HAUS1: variants seen among roughly 807,000 people sequenced by gnomAD.
HAUS1 encodes the protein HAUS augmin-like complex subunit 1.
HAUS1 carries 25 observed loss-of-function variants against 38.6 expected under a neutral mutation model. The ratio of observed to expected loss-of-function variants is 0.65; its 90% CI spans 0.47 to 0.91. The LOEUF (loss-of-function observed/expected upper bound fraction) is 0.91, where lower values mean the gene tolerates loss of function less well. Ranked by LOEUF, HAUS1 falls within the 40% of genes least tolerant of loss-of-function variation. HAUS1 has a pLI of 0.00. For synonymous variants in HAUS1, 109 were observed against 112.9 expected (o/e 0.97, Z 0.22); for missense variants, 325 against 328.4 (o/e 0.99, Z 0.08).
In HAUS1 at chr18:46,122,554, G is replaced by A. The variant is rs1210065885; in HGVS notation, c.564G>A (p.Lys188=). 1.9e-6 allele frequency: 3 copies of A among 1,614,164 alleles called. No homozygotes were observed. Reference sequence around the variant, plus strand: ...AGAACATGGACTTTCTAAAAGCAAAGTCAGAGGAATTCAGATTTGGAATCA... The same window carrying A: ...AGAACATGGACTTTCTAAAAGCAAAATCAGAGGAATTCAGATTTGGAATCA... The part of the protein sequence containing the change: ...RRQNMDFLKA[K]SEEFRFGIKA... Residue 188 remains lysine, a synonymous_variant, in exon 5 of 9, where the codon AAG becomes AAA. Coordinates refer to ENST00000282058, the MANE Select transcript of HAUS1 (RefSeq NM_138443.4).
chr18:46,104,490 T>G, intron 1 of HAUS1, 49 bp downstream of exon 1: 1 of 1,425,350 alleles, frequency 7.0e-7, no homozygotes, highest in African/African-American at 1.5e-5. Flanking sequence ...AACGCGTTTT[T>G]GACACCCCCG....
chr18:46,118,185 G>T lies in HAUS1; in HGVS notation c.210G>T (p.Lys70Asn). The part of the protein sequence containing the change: ...QKASEYESEA[K>N]YLQDLLMESV... ...GGAACTCTTTCATGTTTTTAGCCAA[G>T]TATCTTCAAGACCTTCTCATGGAGA... The change falls in exon 3 of 9, where the codon AAG becomes AAT. Residue 70 changes from lysine (K) to asparagine (N), a missense_variant. Coordinates refer to ENST00000282058, the MANE Select transcript of HAUS1 (RefSeq NM_138443.4). The T allele has an allele frequency of 6.2e-7, 1 of 1,611,490 alleles. No individual in the cohort carries two copies. Among genetic ancestry groups the T allele is most frequent in the Non-Finnish European group, 8.5e-7 (1 of 1,179,736 alleles).
At chr18:46,117,633 A>G (rs1054993074) in intron 2 of HAUS1, among the ~76,000 whole-genome samples, 2 of 152,114 alleles carry the variant, frequency 1.3e-5, no homozygotes, top group Non-Finnish European at 2.9e-5. Context: ...TGGGCAACCT[A>G]GCGAGATCTA....
In HAUS1 at chr18:46,125,740, A is replaced by G. The variant is rs776534757; in HGVS notation, c.739-4A>G. 2.6e-6 allele frequency: 4 copies of G among 1,544,518 alleles called. No homozygotes were observed. The highest frequency in any genetic ancestry group is 3.6e-6 in the Non-Finnish European group (4 of 1,123,608). On this transcript the variant is annotated splice_region_variant and splice_polypyrimidine_tract_variant and intron_variant, in intron 7 of 8. Transcript: ENST00000282058. ...ACCTTTCCTTGTTTTATTTTTTTTT[A>G]AAGAATCCGTCTCTTGCTCAAGTGA...
chr18:46,110,597 C>T (rs1000301322), intron 2 of HAUS1, among the ~76,000 whole-genome samples: 2 of 151,930 alleles, frequency 1.3e-5, no homozygotes, highest in Non-Finnish European at 2.9e-5. Context: ...CCCATCTGAC[C>T]TCTCAAAGTG....
intron 4 of HAUS1, 112 bp from the exon 5 acceptor site, chr18:46,122,355 T>G: frequency 9.5e-7 from 1 of 1,050,238 alleles, no homozygotes; most frequent in Non-Finnish European, 1.4e-6. Flanking sequence ...ATGACCTGGT[T>G]ACCAACTCTT....
chr18:46,113,108 T>A (rs1250544234), intron 2 of HAUS1, among the ~76,000 whole-genome samples: 4 of 140,436 alleles, frequency 2.8e-5, no homozygotes, highest in Non-Finnish European at 6.1e-5. Context: ...AGACAGGGTC[T>A]CACTCTGTTG....
chr18:46,109,283 C>T (rs1201400239), intron 2 of HAUS1, among the ~76,000 whole-genome samples: 2 of 152,178 alleles, frequency 1.3e-5, no homozygotes, highest in East Asian at 3.9e-4. Context: ...CTCACTATCA[C>T]GAGAACAGTA....
intron 2 of HAUS1, among the ~76,000 whole-genome samples, chr18:46,111,747 T>A (rs1266904435): frequency 6.6e-6 from 1 of 151,616 alleles, no homozygotes; most frequent in Non-Finnish European, 1.5e-5. Flanking sequence ...CATTAACCAC[T>A]GCACCCAGCT....
chr18:46,118,360 T>C (rs1435230380), intron 3 of HAUS1, 44 bp downstream of exon 3: 1 of 1,589,360 alleles, frequency 6.3e-7, no homozygotes, highest in African/African-American at 1.3e-5. Context: ...ATATCTGCTA[T>C]AAGGTCTTAA....
At chr18:46,116,953 C>CA in intron 2 of HAUS1, among the ~76,000 whole-genome samples, 1 of 152,214 alleles carries the variant, frequency 6.6e-6, no homozygotes, top group Middle Eastern at 3.4e-3. Context: ...TCCTGGATGA[C>CA]AGAGTGAGAC....
Position 46,118,315 on chromosome 18 carries a change from A to G in HAUS1, c.340A>G (p.Ser114Gly). 6.2e-7 allele frequency: 1 copy of G among 1,613,524 alleles called. No individual in the cohort carries two copies. Among genetic ancestry groups the G allele is most frequent in the Admixed American group, 1.7e-5 (1 of 59,960 alleles). Residue 114 changes from serine to glycine, a missense_variant and splice_region_variant, in exon 3 of 9, where the codon AGT (serine) becomes GGT (glycine). Transcript: ENST00000282058. ...TGAAACAAAGGATACCTCGCTAGCTAGGTAATTCTTATGACAGTTTTAATT... is the reference window on the plus strand; with the variant it reads ...TGAAACAAAGGATACCTCGCTAGCTGGGTAATTCTTATGACAGTTTTAATT... ...ALETKDTSLA[S>G]FIPAVNDLTS...
intron 3 of HAUS1, among the ~76,000 whole-genome samples, chr18:46,119,671 G>A (rs1297867981): frequency 6.6e-6 from 1 of 152,144 alleles, no homozygotes; most frequent in Non-Finnish European, 1.5e-5. Flanking sequence ...AGGTATAGCT[G>A]GGTAGCACAG....
chr18:46,107,024 A>G (rs1911498387), intron 2 of HAUS1, among the ~76,000 whole-genome samples: 1 of 152,080 alleles, frequency 6.6e-6, no homozygotes, highest in African/African-American at 2.4e-5. Flanking sequence ...ACAACAAAAA[A>G]AAATTAATTA....
intron 5 of HAUS1, among the ~76,000 whole-genome samples, 196 bp downstream of exon 5, chr18:46,122,786 C>T (rs993028950): frequency 2.0e-5 from 3 of 152,182 alleles, no homozygotes; most frequent in Non-Finnish European, 4.4e-5. Flanking sequence ...GAAACTCAGG[C>T]CTTACACACT....
Position 46,104,416 on chromosome 18 carries a change from A to G in HAUS1, c.5A>G (p.Glu2Gly). 2 of 1,461,702 alleles carry G rather than the reference A, an allele frequency of 1.4e-6. No individual in the cohort carries two copies. Among genetic ancestry groups the G allele is most frequent in the African/African-American group, 1.4e-5 (1 of 69,420 alleles). The allele number at this position is 1,461,702 out of a possible 1,614,324, so 90.5% of individuals were successfully genotyped here. ...AAAGTGGCGGGAGCCGCAGCTATGG[A>G]GCCGCAGGAGGAGAGAGAAACGCAG... is the stretch of plus-strand genomic sequence containing the variant. M[E>G]PQEERETQVA... The change falls in exon 1 of 9, where the codon GAG (glutamate) becomes GGG (glycine). Residue 2 changes from glutamate to glycine, a missense_variant. Physicochemically the swap from Glu to Gly is moderately conservative, Grantham distance 98 (BLOSUM62 -2). Transcript: ENST00000282058.
intron 8 of HAUS1, 109 bp from the exon 9 acceptor site, chr18:46,127,966 T>C (rs1912155450): frequency 7.2e-6 from 4 of 557,234 alleles, no homozygotes; most frequent in Admixed American, 7.3e-5. Flanking sequence ...TTTTTAAAAT[T>C]TTTTGTTCTA....
At chr18:46,110,094 T>C (rs1911578569) in intron 2 of HAUS1, among the ~76,000 whole-genome samples, 1 of 151,904 alleles carries the variant, frequency 6.6e-6, no homozygotes, top group Non-Finnish European at 1.5e-5. Context: ...TCTTGTAAGT[T>C]GAGTCTGCTA....
intron 2 of HAUS1, among the ~76,000 whole-genome samples, chr18:46,116,792 C>G (rs564002545): frequency 6.6e-6 from 1 of 151,856 alleles, no homozygotes; most frequent in Non-Finnish European, 1.5e-5. Context: ...GCAGGCAGAT[C>G]GCTTGAGTCC....
Sources: allele counts gnomAD v4.1 joint callset (sites outside exome capture counted in the v4.1 genomes callset), GRCh38; gene constraint gnomAD v4.1.1; transcripts MANE v1.5; gene names NCBI Gene and HGNC (gene_info 2026-07-23, HGNC 2026-07-21).